Variants in SLC2A12 observed in about 807,000 individuals in gnomAD.
The protein encoded by SLC2A12 is solute carrier family 2 member 12, also known as solute carrier family 2, facilitated glucose transporter member 12.
Under a neutral mutation model 41.8 loss-of-function variants are expected in SLC2A12, and 23 were observed. The observed-to-expected ratio is 0.55, with a 90% CI of 0.40 to 0.78. The LOEUF (loss-of-function observed/expected upper bound fraction) is 0.78. SLC2A12 is among the 30% of genes least tolerant of loss of function. The pLI, the probability that SLC2A12 is intolerant of heterozygous loss-of-function variation, is 0.00. For synonymous variants in SLC2A12, 295 were observed against 285.9 expected (o/e 1.03, Z -0.32); for missense variants, 654 against 745.6 (o/e 0.88, Z 1.43).
At chr6:134,031,431 A>AT (rs1213882733) in intron 1 of SLC2A12, among the ~76,000 whole-genome samples, 2 of 151,754 alleles carry the variant, frequency 1.3e-5, no homozygotes, top group African/African-American at 4.8e-5. Flanking sequence ...ACAAACAAAA[A>AT]AAACATTACA....
intron 2 of SLC2A12, among the ~76,000 whole-genome samples, chr6:134,011,474 T>C (rs1452500856): frequency 6.6e-6 from 1 of 151,670 alleles, no homozygotes; most frequent in Admixed American, 6.6e-5. Flanking sequence ...AATACAAAAA[T>C]TAGCCAGGTG....
intron 1 of SLC2A12, among the ~76,000 whole-genome samples, chr6:134,035,785 T>C (rs1398631407): frequency 6.6e-6 from 1 of 152,244 alleles, no homozygotes; most frequent in African/African-American, 2.4e-5. Context: ...AGTTTGCCTT[T>C]TGATGCAATG....
Position 134,028,464 on chromosome 6 carries a change from C to T in SLC2A12, c.1361G>A (p.Gly454Glu). 1 of 1,614,168 alleles carries T rather than the reference C, an allele frequency of 6.2e-7. No homozygotes were observed. Among genetic ancestry groups the T allele is most frequent in the Non-Finnish European group, 8.5e-7 (1 of 1,180,030 alleles). Residue 454 changes from glycine to glutamate, a missense_variant, in exon 2 of 5, where the codon GGG becomes GAG. Physicochemically the swap from Gly to Glu is moderately conservative, Grantham distance 98. Around this residue, in one of 3 missense-constraint regions of SLC2A12, gnomAD observed 411 missense variants for 412.1 expected, o/e 1.00. Coordinates refer to ENST00000275230, the MANE Select transcript of SLC2A12 (RefSeq NM_145176.3). Reference sequence around the variant, plus strand: ...CCATTTCAAAAAAGCTGGGACGTCCCCAGGGTCTGTGACTATCTGGTATTC... The same window carrying T: ...CCATTTCAAAAAAGCTGGGACGTCCTCAGGGTCTGTGACTATCTGGTATTC... ...HTEYQIVTDP[G>E]DVPAFLKWLS... is the part of the protein sequence containing the mutation.
chr6:133,991,908 G>A (rs1364315663), intron 4 of SLC2A12, among the ~76,000 whole-genome samples: 1 of 152,176 alleles, frequency 6.6e-6, no homozygotes, highest in Non-Finnish European at 1.5e-5. Context: ...TTAGAGGGGA[G>A]ACGAGCTTAT....
intron 2 of SLC2A12, among the ~76,000 whole-genome samples, chr6:134,022,533 A>AAAAAGAAAAGAAAAGAAAAGAAAAG: frequency 7.0e-6 from 1 of 142,232 alleles, no homozygotes; most frequent in East Asian, 2.1e-4. Flanking sequence ...CTCCATCTCA[A>AAAAAGAAAAGAAAAGAAAAGAAAAG]AAAAGAAAAG....
intron 2 of SLC2A12, among the ~76,000 whole-genome samples, chr6:134,015,641 C>T (rs780010443): frequency 1.3e-5 from 2 of 152,138 alleles, no homozygotes; most frequent in Non-Finnish European, 2.9e-5. Flanking sequence ...GTGTTAGGGA[C>T]CTGGAGCCTT....
At chr6:134,000,585 A>G (rs1392075160) in intron 4 of SLC2A12, among the ~76,000 whole-genome samples, 1 of 152,214 alleles carries the variant, frequency 6.6e-6, no homozygotes, top group Non-Finnish European at 1.5e-5. Context: ...ACCCAACAAT[A>G]AGTATCCCTG....
rs1776617590 is a variant in SLC2A12, at chr6:133,991,182, T to C, written c.1827A>G (p.Gln609=). 6.2e-7 allele frequency: 1 copy of C among 1,613,744 alleles called. No homozygotes were observed. Among genetic ancestry groups the C allele is most frequent in the Non-Finnish European group, 8.5e-7 (1 of 1,179,898 alleles). ...LECNKLCGRG[Q]SRQLSPET ...AGGTCTCTGGAGAAAGCTGCCTGGA[T>C]TGGCCCCTACCACACAGCTTGTTAC... The change falls in exon 5 of 5, where the codon CAA becomes CAG. Residue 609 remains glutamine, a synonymous_variant. Transcript: ENST00000275230.
intron 2 of SLC2A12, among the ~76,000 whole-genome samples, chr6:134,015,423 C>A (rs1351567859): frequency 6.6e-6 from 1 of 152,038 alleles, no homozygotes; most frequent in Admixed American, 6.6e-5. Context: ...ACACGTTTAC[C>A]TATGTAACAA....
chr6:134,020,380 A>C (rs1777025675), intron 2 of SLC2A12, among the ~76,000 whole-genome samples: 2 of 152,196 alleles, frequency 1.3e-5, no homozygotes, highest in Admixed American at 1.3e-4. Context: ...TAAATACCTG[A>C]GCACTAATCA....
chr6:133,991,797 C>T (rs1412777430), intron 4 of SLC2A12, among the ~76,000 whole-genome samples: 1 of 152,174 alleles, frequency 6.6e-6, no homozygotes, highest in Non-Finnish European at 1.5e-5. Context: ...TTTTCAAATA[C>T]CTTTTTCTGT....
chr6:134,030,383 T>C (rs940847290), intron 1 of SLC2A12, among the ~76,000 whole-genome samples: 3 of 152,090 alleles, frequency 2.0e-5, no homozygotes, highest in Admixed American at 6.5e-5. Context: ...AAGAAATGTA[T>C]GTAGTGTAAG....
intron 2 of SLC2A12, among the ~76,000 whole-genome samples, chr6:134,015,209 T>G (rs1776939674): frequency 6.6e-6 from 1 of 152,234 alleles, no homozygotes; most frequent in Non-Finnish European, 1.5e-5. Context: ...TGACTATTAT[T>G]GTATAATGGC....
intron 3 of SLC2A12, among the ~76,000 whole-genome samples, chr6:134,006,154 G>A (rs1297288357): frequency 1.4e-5 from 2 of 138,606 alleles, no homozygotes; most frequent in Admixed American, 7.9e-5. Flanking sequence ...ACTCCAGCCT[G>A]GGCAACAGAG....
chr6:134,051,632 A>C (rs1773685605), intron 1 of SLC2A12, among the ~76,000 whole-genome samples: 1 of 152,226 alleles, frequency 6.6e-6, no homozygotes, highest in Non-Finnish European at 1.5e-5. Context: ...ATTTGTGGGA[A>C]TTGTAAATGT....
chr6:134,052,197 A>G (rs916889007), intron 1 of SLC2A12, among the ~76,000 whole-genome samples, 181 bp downstream of exon 1: 1 of 147,274 alleles, frequency 6.8e-6, no homozygotes, highest in Non-Finnish European at 1.5e-5. Flanking sequence ...GTCCCACCAG[A>G]CCCTGTCCCC....
At chr6:134,052,296 C>CACACT in intron 1 of SLC2A12, 82 bp downstream of exon 1, 1 of 1,119,672 alleles carries the variant, frequency 8.9e-7, no homozygotes, top group Non-Finnish European at 1.3e-6. Context: ...CACACACACA[C>CACACT]GGGACTCAAG....
intron 2 of SLC2A12, among the ~76,000 whole-genome samples, chr6:134,025,478 GC>G (rs1777101406): frequency 6.6e-6 from 1 of 152,192 alleles, no homozygotes; most frequent in Non-Finnish European, 1.5e-5. Flanking sequence ...GGAATCTAAA[GC>G]TTAAACCATA....
chr6:134,008,169 C>T (rs1372848692), intron 2 of SLC2A12, among the ~76,000 whole-genome samples: 1 of 152,142 alleles, frequency 6.6e-6, no homozygotes, highest in Non-Finnish European at 1.5e-5. Context: ...CAGGGAGAGG[C>T]CGCTCTGGCC....
Sources: allele counts gnomAD v4.1 joint callset (sites outside exome capture counted in the v4.1 genomes callset), GRCh38; gene constraint gnomAD v4.1.1; regional missense constraint gnomAD v4.1.1; transcripts MANE v1.5; gene names NCBI Gene and HGNC (gene_info 2026-07-23, HGNC 2026-07-21).